The following TBC1D1 variants were observed in gnomAD, a reference collection of about 807,000 sequenced individuals.
TBC1D1 encodes TBC1 domain family member 1.
A neutral mutation model predicts 125.6 loss-of-function variants in TBC1D1; 89 were observed. The ratio of observed to expected loss-of-function variants is 0.71; its 90% CI spans 0.60 to 0.85. The LOEUF is 0.85. Ranked by LOEUF, TBC1D1 falls within the 40% of genes least tolerant of loss-of-function variation. TBC1D1 has a pLI of 0.00. For missense variants in TBC1D1, 1,377 were observed against 1,469.2 expected (o/e 0.94, Z 1.03); for synonymous variants, 565 against 564.1 (o/e 1.00, Z -0.02).
chr4:38,129,728 A>G (rs879452604), intron 18 of TBC1D1, among the ~76,000 whole-genome samples: 2 of 152,212 alleles, frequency 1.3e-5, no homozygotes, highest in Non-Finnish European at 2.9e-5. Flanking sequence ...TAAACAGACA[A>G]TTCACCGAAG....
chr4:38,006,767 CTG>C, intron 2 of TBC1D1: 1 of 461,200 alleles, frequency 2.2e-6, no homozygotes, highest in Non-Finnish European at 4.3e-6. Flanking sequence ...GCGTGAGCCA[CTG>C]CGCCTGGCCC....
At position 38,046,407 on chromosome 4, in the gene TBC1D1, A is replaced by T. The variant is rs530074186; in HGVS notation, c.1629+504A>T. Among the ~76,000 whole-genome samples, 156 of 152,206 alleles carry T rather than the reference A, an allele frequency of 1.0e-3. 2 individuals are homozygous for T. Among genetic ancestry groups the T allele is most frequent in the African/African-American group, 3.6e-3 (149 of 41,570 alleles). ...AGCAGTAGATTTTCCTATTAAAAAA[A>T]TAATTAATATTGGGAAAACATCAGA... On this transcript the variant is annotated intron_variant, in intron 10 of 19. Coordinates refer to ENST00000261439, the MANE Select transcript of TBC1D1 (RefSeq NM_015173.4).
intron 8 of TBC1D1, among the ~76,000 whole-genome samples, chr4:38,042,373 G>A (rs1443044544): frequency 6.6e-6 from 1 of 151,890 alleles, no homozygotes; most frequent in Non-Finnish European, 1.5e-5. Context: ...TCCTGCCTCA[G>A]CCTCCCAAGT....
In TBC1D1 at chr4:38,096,796, TG is replaced by T. The variant is rs371211947; in HGVS notation, c.2398+707del. Among the ~76,000 whole-genome samples, 79 of 152,344 alleles carry T rather than the reference TG, an allele frequency of 5.2e-4. 1 individual carries two copies. Among genetic ancestry groups the T allele is most frequent in the African/African-American group, 1.8e-3 (73 of 41,586 alleles). On this transcript the variant is annotated intron_variant, in intron 14 of 19. Coordinates refer to ENST00000261439, the MANE Select transcript of TBC1D1 (RefSeq NM_015173.4). Reference sequence around the variant, plus strand: ...AATGTGGACTTATATTTTGTCCATCTGTTTTTTTTTAAATTTTGTTTTTCTA... The same window carrying T: ...AATGTGGACTTATATTTTGTCCATCTTTTTTTTTTAAATTTTGTTTTTCTA...
At chr4:38,031,642 G>A (rs1490927789) in intron 7 of TBC1D1, among the ~76,000 whole-genome samples, 1 of 151,996 alleles carries the variant, frequency 6.6e-6, no homozygotes, top group Non-Finnish European at 1.5e-5. Context: ...TAAGAGAAAG[G>A]GGCTCACTCT....
intron 3 of TBC1D1, among the ~76,000 whole-genome samples, chr4:38,015,864 T>C (rs1375170182): frequency 6.6e-6 from 1 of 152,028 alleles, no homozygotes; most frequent in African/African-American, 2.4e-5. Flanking sequence ...ACCAAGGGGG[T>C]GCACCCAAGG....
At chr4:37,937,592 C>A (rs1724649965) in intron 2 of TBC1D1, among the ~76,000 whole-genome samples, 1 of 152,038 alleles carries the variant, frequency 6.6e-6, no homozygotes. Context: ...GGAAGTCCAG[C>A]CCTGTGCAGT....
intron 18 of TBC1D1, among the ~76,000 whole-genome samples, chr4:38,127,742 G>A (rs1340856887): frequency 6.6e-6 from 1 of 152,160 alleles, no homozygotes; most frequent in Non-Finnish European, 1.5e-5. Context: ...TATAGATGAA[G>A]CTGAGCAGAG....
At chr4:37,984,324 T>C (rs1027343407) in intron 2 of TBC1D1, among the ~76,000 whole-genome samples, 2 of 152,242 alleles carry the variant, frequency 1.3e-5, no homozygotes, top group Non-Finnish European at 2.9e-5. Context: ...TGTTTGTTTT[T>C]GTGAGAAGCA....
chr4:37,988,769 C>T (rs1384957152), intron 2 of TBC1D1, among the ~76,000 whole-genome samples: 1 of 152,106 alleles, frequency 6.6e-6, no homozygotes, highest in Non-Finnish European at 1.5e-5. Context: ...CCCAACTGAC[C>T]GATGGACCGC....
intron 15 of TBC1D1, among the ~76,000 whole-genome samples, chr4:38,105,186 G>T (rs1293077013): frequency 6.6e-6 from 1 of 152,078 alleles, no homozygotes; most frequent in Non-Finnish European, 1.5e-5. Context: ...TCTCCCCATG[G>T]TGCGTATCAC....
chr4:37,985,451 ATC>A (rs1250127125), intron 2 of TBC1D1, among the ~76,000 whole-genome samples: 1 of 152,170 alleles, frequency 6.6e-6, no homozygotes, highest in Non-Finnish European at 1.5e-5. Flanking sequence ...TCATTTTTAT[ATC>A]TGTCATGTTA....
At chr4:38,000,308 CTAA>C (rs1738777873) in intron 2 of TBC1D1, among the ~76,000 whole-genome samples, 2 of 147,382 alleles carry the variant, frequency 1.4e-5, no homozygotes, top group Admixed American at 1.3e-4. Context: ...AACTGAAAAT[CTAA>C]TATTTTCTTT....
At chr4:37,975,129 T>C (rs994828694) in intron 2 of TBC1D1, among the ~76,000 whole-genome samples, 25 of 152,002 alleles carry the variant, frequency 1.6e-4, no homozygotes, top group African/African-American at 6.0e-4. Flanking sequence ...TTATTGGATA[T>C]AAGACAAAGG....
intron 2 of TBC1D1, among the ~76,000 whole-genome samples, chr4:38,004,454 C>T (rs1298082096): frequency 6.6e-6 from 1 of 152,294 alleles, no homozygotes; most frequent in Admixed American, 6.5e-5. Flanking sequence ...TACCAAAATG[C>T]TTTATTATTG....
chr4:38,065,092 G>A (rs1333733194), intron 12 of TBC1D1, among the ~76,000 whole-genome samples: 1 of 152,012 alleles, frequency 6.6e-6, no homozygotes, highest in Non-Finnish European at 1.5e-5. Context: ...CACCACACCT[G>A]GCTAATTTTT....
At chr4:38,088,418 A>G (rs537190289) in intron 12 of TBC1D1, among the ~76,000 whole-genome samples, 1 of 152,340 alleles carries the variant, frequency 6.6e-6, no homozygotes, top group African/African-American at 2.4e-5. Context: ...TACAGGGAAA[A>G]CATAAATAAC....
At chr4:38,001,103 C>A (rs1738973912) in intron 2 of TBC1D1, among the ~76,000 whole-genome samples, 1 of 152,040 alleles carries the variant, frequency 6.6e-6, no homozygotes, top group African/African-American at 2.4e-5. Context: ...ACCTGTAGTC[C>A]CAGCTAATCG....
chr4:37,898,084 T>C (rs1026246716), intron 1 of TBC1D1, among the ~76,000 whole-genome samples: 8 of 152,336 alleles, frequency 5.3e-5, no homozygotes, highest in African/African-American at 1.7e-4. Context: ...GCTCTTAGCA[T>C]TGTGCATATA....
Sources: gnomAD v4.1 joint callset for allele counts (sites outside exome capture counted in the v4.1 genomes callset) on GRCh38, gnomAD v4.1.1 for gene constraint, MANE v1.5 for transcripts, NCBI Gene and HGNC (gene_info 2026-07-23, HGNC 2026-07-21) for gene names.